Variants in DAB1 observed in about 807,000 individuals in gnomAD.
DAB1 encodes the protein disabled homolog 1.
In DAB1, 15 loss-of-function variants were observed where a neutral mutation model predicts 64.6. That is an observed-to-expected ratio of 0.23 (90% CI 0.16 to 0.36). The LOEUF (loss-of-function observed/expected upper bound fraction) is 0.36. Ranked by LOEUF, DAB1 falls within the 10% of genes least tolerant of loss-of-function variation. The pLI is 1.00. For synonymous variants in DAB1, 235 were observed against 251.9 expected (o/e 0.93, Z 0.64); for missense variants, 596 against 706.7 (o/e 0.84, Z 1.78).
intron 3 of DAB1, among the ~76,000 whole-genome samples, chr1:57,142,746 C>T (rs1322824491): frequency 1.3e-5 from 2 of 152,052 alleles, no homozygotes; most frequent in Non-Finnish European, 2.9e-5. Context: ...CCTTTTAGTC[C>T]TCAGTGTTTC....
At chr1:58,212,186 T>C (rs900673734) in intron 4 of DAB1, among the ~76,000 whole-genome samples, 2 of 152,166 alleles carry the variant, frequency 1.3e-5, no homozygotes, top group African/African-American at 4.8e-5. Flanking sequence ...CCTTCCATGG[T>C]TCAAGTGGAA....
chr1:57,143,939 T>C (rs1658859269), intron 3 of DAB1, among the ~76,000 whole-genome samples: 1 of 151,602 alleles, frequency 6.6e-6, no homozygotes, highest in East Asian at 1.9e-4. Flanking sequence ...TATATATGTT[T>C]ATGTATATGT....
Position 57,006,986 on chromosome 1 carries a change from C to T in DAB1, c.*15+3694G>A, listed in dbSNP as rs145505640. 3.4e-3 allele frequency among the ~76,000 whole-genome samples: 522 copies of T among 152,096 alleles called. 1 individual carries two copies. Among genetic ancestry groups the T allele is most frequent in the Middle Eastern group, 0.014 (4 of 294 alleles). The stretch of plus-strand genomic sequence containing the variant: ...CCCTGACTCTGTGTTTTGTTTCTTC[C>T]TTTCTTTCCTTTTCTTCCCTTCCCT... On this transcript the variant is annotated intron_variant, in intron 14 of 14. Transcript: ENST00000371236.
chr1:57,623,461 A>C (rs12022839), intron 7 of DAB1, among the ~76,000 whole-genome samples: 1 of 151,978 alleles, frequency 6.6e-6, no homozygotes, highest in African/African-American at 2.4e-5. Context: ...TCTTGTAATA[A>C]CATGAGCACT....
intron 8 of DAB1, among the ~76,000 whole-genome samples, chr1:57,067,595 T>C (rs12140416): frequency 0.18 from 27,764 of 152,132 alleles, 3,187 homozygotes; most frequent in East Asian, 0.48. Context: ...CTGAGTCTTA[T>C]TATCCTGTAA....
intron 7 of DAB1, among the ~76,000 whole-genome samples, chr1:57,606,684 G>GAAGTATGAAATATA (rs1645655338): frequency 1.5e-5 from 1 of 67,766 alleles, no homozygotes; most frequent in Non-Finnish European, 3.0e-5. Flanking sequence ...TATATATTAT[G>GAAGTATGAAATATA]TATGAAATAT....
At chr1:57,701,303 C>A (rs1646905232) in intron 6 of DAB1, among the ~76,000 whole-genome samples, 1 of 152,060 alleles carries the variant, frequency 6.6e-6, no homozygotes, top group Non-Finnish European at 1.5e-5. Context: ...TGGAACCAAC[C>A]CAAATGTCCA....
intron 4 of DAB1, among the ~76,000 whole-genome samples, chr1:58,240,940 C>G (rs1436509481): frequency 1.3e-5 from 2 of 151,864 alleles, no homozygotes; most frequent in Non-Finnish European, 2.9e-5. Flanking sequence ...CTGATATTAC[C>G]AAGACATGAT....
chr1:57,094,807 G>A (rs907587596), intron 4 of DAB1, among the ~76,000 whole-genome samples: 2 of 152,000 alleles, frequency 1.3e-5, no homozygotes, highest in African/African-American at 4.8e-5. Flanking sequence ...ATTCCATCCA[G>A]GCCAGGCCAG....
At chr1:58,539,305 G>C (rs1030932941) in intron 1 of DAB1, 4 of 809,560 alleles carry the variant, frequency 4.9e-6, no homozygotes, top group South Asian at 4.5e-5. Flanking sequence ...TTTTTCACTT[G>C]ACTACCTGAA....
chr1:57,061,403 G>T (rs1211247644), intron 9 of DAB1, among the ~76,000 whole-genome samples: 1 of 152,174 alleles, frequency 6.6e-6, no homozygotes, highest in East Asian at 1.9e-4. Context: ...GACATCCAGA[G>T]CTCTCCTGTC....
intron 4 of DAB1, among the ~76,000 whole-genome samples, chr1:58,175,200 A>T (rs1165598388): frequency 6.6e-6 from 1 of 152,176 alleles, no homozygotes; most frequent in Non-Finnish European, 1.5e-5. Flanking sequence ...TCCTGAAGTC[A>T]GTGAGACCAC....
At chr1:57,784,078 G>T (rs965783159) in intron 6 of DAB1, among the ~76,000 whole-genome samples, 3 of 152,192 alleles carry the variant, frequency 2.0e-5, no homozygotes, top group African/African-American at 7.2e-5. Flanking sequence ...GTCAAAAACT[G>T]AGAGAAGTAC....
chr1:58,326,251 T>G (rs1268524083), intron 4 of DAB1, among the ~76,000 whole-genome samples: 1 of 152,250 alleles, frequency 6.6e-6, no homozygotes, highest in African/African-American at 2.4e-5. Context: ...CAAGATGCTC[T>G]CTTTCAGATT....
intron 1 of DAB1, among the ~76,000 whole-genome samples, chr1:57,411,127 C>T (rs1261907662): frequency 3.3e-5 from 5 of 152,192 alleles, no homozygotes; most frequent in Non-Finnish European, 5.9e-5. Flanking sequence ...AAATATCTCT[C>T]TCCCATTTTT....
chr1:57,339,968 C>A (rs1416924769), intron 1 of DAB1, among the ~76,000 whole-genome samples: 1 of 152,118 alleles, frequency 6.6e-6, no homozygotes, highest in Non-Finnish European at 1.5e-5. Context: ...CAGAGACTAG[C>A]AGAATCTAGG....
At chr1:57,548,659 T>C (rs1207792344) in intron 7 of DAB1, among the ~76,000 whole-genome samples, 2 of 152,206 alleles carry the variant, frequency 1.3e-5, no homozygotes, top group African/African-American at 4.8e-5. Context: ...CTTCCTTCCT[T>C]TGCAACTTAG....
chr1:58,499,156 T>C (rs183223762), intron 3 of DAB1, among the ~76,000 whole-genome samples: 42 of 151,926 alleles, frequency 2.8e-4, no homozygotes, highest in Admixed American at 1.2e-3. Context: ...CTATACAGTC[T>C]CACTTATATA....
intron 5 of DAB1, among the ~76,000 whole-genome samples, chr1:57,952,117 T>C (rs1645292487): frequency 6.7e-6 from 1 of 149,662 alleles, no homozygotes; most frequent in Non-Finnish European, 1.5e-5. Context: ...TTCTATGACC[T>C]TTTTTTTTTC....
Sources: allele counts gnomAD v4.1 joint callset (sites outside exome capture counted in the v4.1 genomes callset), GRCh38; gene constraint gnomAD v4.1.1; transcripts MANE v1.5; gene names NCBI Gene and HGNC (gene_info 2026-07-23, HGNC 2026-07-21).